MEP1A: variants seen among roughly 807,000 people sequenced by gnomAD.
MEP1A encodes the protein N-benzoyl-L-tyrosyl-P-amino-benzoic acid hydrolase subunit alpha.
In MEP1A, 68 loss-of-function variants were observed where a neutral mutation model predicts 84.5. The ratio of observed to expected loss-of-function variants is 0.80; its 90% CI spans 0.66 to 0.98. The LOEUF (loss-of-function observed/expected upper bound fraction) is 0.98, where lower values mean the gene tolerates loss of function less well. Ranked by LOEUF, MEP1A falls within the 50% of genes least tolerant of loss-of-function variation. The probability of loss-of-function intolerance (pLI) is 0.00; values close to 1 mark genes in which losing one functional copy is unlikely to be tolerated. For synonymous variants in MEP1A, 337 were observed against 336.8 expected (o/e 1.00, Z -0.01); for missense variants, 887 against 919.9 (o/e 0.96, Z 0.46).
intron 6 of MEP1A, among the ~76,000 whole-genome samples, chr6:46,816,661 A>G (rs1767643140): frequency 6.6e-6 from 1 of 152,140 alleles, no homozygotes; most frequent in Non-Finnish European, 1.5e-5. Flanking sequence ...GAACCTGGTT[A>G]CTTGGAGAAC....
intron 2 of MEP1A, 25 bp downstream of exon 2, chr6:46,793,601 A>G (rs369287896): frequency 1.3e-6 from 2 of 1,562,406 alleles, no homozygotes; most frequent in African/African-American, 2.7e-5. Flanking sequence ...AAATGCACAG[A>G]GAGTGTTTTT....
intron 9 of MEP1A, among the ~76,000 whole-genome samples, chr6:46,828,327 G>T (rs1174984143): frequency 6.6e-6 from 1 of 151,790 alleles, no homozygotes; most frequent in Non-Finnish European, 1.5e-5. Context: ...AGATACAAGG[G>T]AATATAATTT....
rs1767347143 is a variant in MEP1A, at chr6:46,807,293, G to A, written c.263-2127G>A. On this transcript the variant is annotated intron_variant, in intron 5 of 13. Transcript: ENST00000230588. ...AACTATGTACAACTTACTATGTCAG[G>A]GCAGTTGGCTAGGAACAAGAGTTAC... Among the ~76,000 whole-genome samples the A allele has an allele frequency of 5.9e-5, 9 of 151,712 alleles. No individual in the cohort carries two copies. In the South Asian group the frequency reaches 1.9e-3, roughly 32 times the overall value.
At chr6:46,819,046 A>G (rs542067722) in intron 6 of MEP1A, among the ~76,000 whole-genome samples, 2 of 152,242 alleles carry the variant, frequency 1.3e-5, no homozygotes, top group East Asian at 3.9e-4. Context: ...TGAGTAGAGG[A>G]GGCTGAGGCT....
chr6:46,799,239 C>G (rs1331871677), intron 5 of MEP1A, 58 bp downstream of exon 5: 1 of 1,171,454 alleles, frequency 8.5e-7, no homozygotes, highest in Non-Finnish European at 1.3e-6. Context: ...CTCCTCTCAG[C>G]CTGTCCATGG....
chr6:46,807,499 C>G (rs1297787300), intron 5 of MEP1A, among the ~76,000 whole-genome samples: 1 of 120,682 alleles, frequency 8.3e-6, no homozygotes, highest in East Asian at 2.5e-4. Context: ...CAAAGTGAGA[C>G]CCCCATCTGA....
At chr6:46,845,005 T>C in the MEP1A span, among the ~76,000 whole-genome samples, 2 of 152,338 alleles carry the variant, frequency 1.3e-5, no homozygotes, top group East Asian at 3.9e-4. Flanking sequence ...CAAGTCTTGC[T>C]ACCATGTAAG....
intron 9 of MEP1A, 115 bp downstream of exon 9, chr6:46,826,618 A>G (rs1411830190): frequency 1.1e-6 from 1 of 886,072 alleles, no homozygotes. Context: ...TGAAAATCTG[A>G]ACAAGGACAA....
chr6:46,820,957 A>G (rs951243101), intron 7 of MEP1A, among the ~76,000 whole-genome samples: 1 of 152,114 alleles, frequency 6.6e-6, no homozygotes, highest in Non-Finnish European at 1.5e-5. Context: ...TTGTGTAGGT[A>G]TCTGTTTTAT....
At chr6:46,806,509 C>T (rs1285047804) in intron 5 of MEP1A, among the ~76,000 whole-genome samples, 1 of 151,988 alleles carries the variant, frequency 6.6e-6, no homozygotes, top group East Asian at 1.9e-4. Flanking sequence ...TCCCCAACCC[C>T]TGTAAATTTG....
rs1273018320 is a variant in MEP1A at position 46,835,341 on chromosome 6, T to C, written c.1876T>C (p.Ser626Pro). Reference sequence around the variant, plus strand: ...TCTCCAAGGCCAGGAGCAGCAGGTCTCCGAAGAAGGTTCGGGAAAGGCCAT... The same window carrying C: ...TCTCCAAGGCCAGGAGCAGCAGGTCCCCGAAGAAGGTTCGGGAAAGGCCAT... ...LILQGQEQQV[S>P]EEGSGKAMLE... is the part of the protein sequence containing the mutation. Residue 626 changes from serine (S) to proline (P), a missense_variant, in exon 13 of 14, where the codon TCC (serine) becomes CCC (proline). Coordinates refer to ENST00000230588, the MANE Select transcript of MEP1A (RefSeq NM_005588.3). 6.2e-7 allele frequency: 1 copy of C among 1,610,042 alleles called. No individual in the cohort carries two copies. Among genetic ancestry groups the C allele is most frequent in the African/African-American group, 1.3e-5 (1 of 74,820 alleles).
At chr6:46,806,585 G>A (rs537360832) in intron 5 of MEP1A, among the ~76,000 whole-genome samples, 1 of 151,988 alleles carries the variant, frequency 6.6e-6, no homozygotes, top group Admixed American at 6.6e-5. Flanking sequence ...TGTTCAGGTT[G>A]CTCAGCCTTC....
At chr6:46,827,274 C>T (rs146231341) in intron 9 of MEP1A, among the ~76,000 whole-genome samples, 1 of 152,264 alleles carries the variant, frequency 6.6e-6, no homozygotes, top group Non-Finnish European at 1.5e-5. Flanking sequence ...CTTTTGCAAG[C>T]CTCTGTAAAC....
chr6:46,807,513 AAAGAAAG>A (rs1767356290), intron 5 of MEP1A, among the ~76,000 whole-genome samples: 1 of 11,750 alleles, frequency 8.5e-5, no homozygotes, highest in East Asian at 1.9e-3. Flanking sequence ...CATCTGAAAT[AAAGAAAG>A]AAAGAAAGAA....
At chr6:46,794,844 T>C (rs1477197312) in intron 3 of MEP1A, among the ~76,000 whole-genome samples, 1 of 152,230 alleles carries the variant, frequency 6.6e-6, no homozygotes, top group Non-Finnish European at 1.5e-5. Context: ...GTTTTTCTAA[T>C]CTCATCATTA....
chr6:46,838,057 ATT>A (rs570182939), intron 13 of MEP1A, among the ~76,000 whole-genome samples: 60 of 134,964 alleles, frequency 4.4e-4, no homozygotes, highest in African/African-American at 1.2e-3. Context: ...ATGTCTGGCT[ATT>A]TTTTTTTTTT....
chr6:46,835,106 T>C (rs903159564), intron 12 of MEP1A, 143 bp from the exon 13 acceptor site: 2 of 704,554 alleles, frequency 2.8e-6, no homozygotes, highest in African/African-American at 3.6e-5. Context: ...ACTGTGGGAA[T>C]CAGCTGGATT....
At chr6:46,823,692 T>G (rs926572751) in intron 7 of MEP1A, among the ~76,000 whole-genome samples, 2 of 152,178 alleles carry the variant, frequency 1.3e-5, no homozygotes, top group Non-Finnish European at 2.9e-5. Context: ...AAGTTATGAC[T>G]GGAAGAGTTA....
intron 8 of MEP1A, 67 bp from the exon 9 acceptor site, chr6:46,826,287 T>C (rs180948991): frequency 1.5e-4 from 211 of 1,439,364 alleles, no homozygotes; most frequent in Non-Finnish European, 1.8e-4. Context: ...TTTAGTGGCT[T>C]AAGACATTAG....
Sources: gnomAD v4.1 joint callset for allele counts (sites outside exome capture counted in the v4.1 genomes callset) on GRCh38, gnomAD v4.1.1 for gene constraint, MANE v1.5 for transcripts, NCBI Gene and HGNC (gene_info 2026-07-23, HGNC 2026-07-21) for gene names.